UBE2W: variants seen among roughly 807,000 people sequenced by gnomAD.
The protein encoded by UBE2W is ubiquitin-conjugating enzyme E2 W.
UBE2W carries 18 observed loss-of-function variants against 27.2 expected under a neutral mutation model. The observed-to-expected ratio is 0.66, with a 90% CI of 0.46 to 0.98. The LOEUF is 0.98. UBE2W is among the 50% of genes least tolerant of loss of function. The probability of loss-of-function intolerance (pLI) is 0.00; values close to 1 mark genes in which losing one functional copy is unlikely to be tolerated. For synonymous variants in UBE2W, 53 were observed against 57.2 expected (o/e 0.93, Z 0.33); for missense variants, 90 against 180.2 (o/e 0.50, Z 2.87).
intron 1 of UBE2W, among the ~76,000 whole-genome samples, chr8:73,861,448 T>C (rs149837555): frequency 1.2e-3 from 185 of 152,184 alleles, no homozygotes; most frequent in African/African-American, 4.4e-3. Context: ...GGCCCTGATA[T>C]GGTTTGATAC....
intron 1 of UBE2W, 84 bp downstream of exon 1, chr8:73,878,724 G>T (rs1169558912): frequency 4.7e-6 from 6 of 1,264,250 alleles, no homozygotes; most frequent in African/African-American, 3.0e-5. Context: ...GGGTGTCCCC[G>T]AATCGCGGAC....
intron 1 of UBE2W, among the ~76,000 whole-genome samples, chr8:73,865,172 G>T (rs1811697362): frequency 1.2e-5 from 1 of 86,594 alleles, no homozygotes; most frequent in African/African-American, 6.7e-5. Context: ...CTTTAAGTGT[G>T]CAAACGTCAA....
chr8:73,794,854 T>TAAAAAAAAA (rs1289254274), intron 5 of UBE2W, among the ~76,000 whole-genome samples: 1 of 43,910 alleles, frequency 2.3e-5, no homozygotes. Context: ...CTCTGTCTCA[T>TAAAAAAAAA]AAAAAAAAAA....
At chr8:73,862,051 T>A (rs986677144) in intron 1 of UBE2W, among the ~76,000 whole-genome samples, 42 of 152,234 alleles carry the variant, frequency 2.8e-4, no homozygotes, top group African/African-American at 9.9e-4. Context: ...AGGAGATGTA[T>A]TACAACTTAC....
chr8:73,793,102 CTT>C lies in UBE2W; in HGVS notation c.*998_*999del. 1.0e-6 allele frequency: 1 copy of C among 985,740 alleles called. No homozygotes were observed. Among genetic ancestry groups the C allele is most frequent in the South Asian group, 4.7e-5 (1 of 21,284 alleles). 61.1% of individuals were successfully genotyped at this position (985,740 alleles called of 1,614,324 possible). A position where few individuals can be genotyped will look rare whatever the true frequency, so the allele number is the denominator to read the frequency against. On this transcript the variant is annotated 3_prime_UTR_variant, in exon 6 of 6. Transcript: ENST00000602593. The stretch of plus-strand genomic sequence containing the variant: ...AAAGTATTGTAACATTCAAACTTGA[CTT>C]ATAACAAAAGAAACAAGATTGCAAA...
chr8:73,805,002 C>T (rs955665415), intron 5 of UBE2W, among the ~76,000 whole-genome samples: 7 of 152,038 alleles, frequency 4.6e-5, no homozygotes, highest in African/African-American at 1.7e-4. Context: ...GGATTACAGG[C>T]GTAGGCCACC....
Position 73,786,756 on chromosome 8 carries a change from A to C in UBE2W, c.*7346T>G, listed in dbSNP as rs1385046148. On this transcript the variant is annotated 3_prime_UTR_variant, in exon 6 of 6. Transcript: ENST00000602593. The stretch of plus-strand genomic sequence containing the variant: ...CCCTAATGGTAAGGAGACTGGAGAG[A>C]AGGTAGAAATCTCAGAGACATTTTA... The C allele has an allele frequency of 3.0e-6, 3 of 985,302 alleles. No homozygotes were observed. The highest frequency in any genetic ancestry group is 2.4e-6 in the Non-Finnish European group (2 of 829,934). 61.0% of individuals were successfully genotyped at this position (985,302 alleles called of 1,614,324 possible).
At chr8:73,844,978 C>T (rs926809690) in intron 1 of UBE2W, among the ~76,000 whole-genome samples, 4 of 147,094 alleles carry the variant, frequency 2.7e-5, no homozygotes, top group African/African-American at 5.0e-5. Context: ...AAGCGAGGAG[C>T]GTCTCCGCCC....
At chr8:73,794,661 G>A (rs1374865054) in intron 5 of UBE2W, among the ~76,000 whole-genome samples, 1 of 151,944 alleles carries the variant, frequency 6.6e-6, no homozygotes, top group African/African-American at 2.4e-5. Flanking sequence ...CAGCACTTTG[G>A]GAGGCCGAGG....
At chr8:73,849,530 A>G (rs2130946039) in intron 1 of UBE2W, among the ~76,000 whole-genome samples, 1 of 149,986 alleles carries the variant, frequency 6.7e-6, no homozygotes, top group South Asian at 2.1e-4. Context: ...AAAAAAAAAA[A>G]AAAAAAAAAA....
intron 1 of UBE2W, chr8:73,831,875 A>G (rs1810080145): frequency 6.6e-6 from 1 of 152,036 alleles, no homozygotes; most frequent in African/African-American, 2.4e-5. Context: ...AAATACAAGC[A>G]AACTGCAAAA....
intron 1 of UBE2W, among the ~76,000 whole-genome samples, chr8:73,852,006 C>T (rs79248017): frequency 0.068 from 7,643 of 113,018 alleles, 730 homozygotes; most frequent in African/African-American, 0.23. Flanking sequence ...GAAGGGAAGA[C>T]AAAAATGAAG....
rs143535974 is a variant in UBE2W, at chr8:73,798,408, C to T, written c.443-4293G>A. Reference sequence around the variant, plus strand: ...CTTGGCTCCCATCCCCAAGATAGCTCATTATGTATATGCAAATATTCGAGA... The same window carrying T: ...CTTGGCTCCCATCCCCAAGATAGCTTATTATGTATATGCAAATATTCGAGA... On this transcript the variant is annotated intron_variant, in intron 5 of 5. Coordinates refer to ENST00000602593, the MANE Select transcript of UBE2W (RefSeq NM_018299.6). Among the ~76,000 whole-genome samples the T allele has an allele frequency of 4.0e-3, 611 of 152,320 alleles. 2 individuals are homozygous for T. Among genetic ancestry groups the T allele is most frequent in the African/African-American group, 0.014 (581 of 41,564 alleles).
At chr8:73,871,318 C>A (rs182054683) in intron 1 of UBE2W, among the ~76,000 whole-genome samples, 2 of 152,120 alleles carry the variant, frequency 1.3e-5, no homozygotes, top group Non-Finnish European at 2.9e-5. Flanking sequence ...TGCCTATATA[C>A]CAACATGGGG....
At chr8:73,813,105 AAAAAG>A (rs1346119697) in intron 3 of UBE2W, among the ~76,000 whole-genome samples, 6 of 146,406 alleles carry the variant, frequency 4.1e-5, no homozygotes, top group Non-Finnish European at 7.7e-5. Flanking sequence ...AAAAAAAAAA[AAAAAG>A]AACAACTGCC....
intron 4 of UBE2W, among the ~76,000 whole-genome samples, chr8:73,808,147 A>C (rs1808997407): frequency 6.6e-6 from 1 of 152,250 alleles, no homozygotes; most frequent in Admixed American, 6.5e-5. Flanking sequence ...TAGAATTAAC[A>C]AAGTAAAGCC....
intron 1 of UBE2W, among the ~76,000 whole-genome samples, chr8:73,839,067 T>C (rs114026381): frequency 3.2e-4 from 49 of 152,328 alleles, no homozygotes; most frequent in African/African-American, 1.2e-3. Flanking sequence ...CTGCTTTTGT[T>C]GTTTCATTCT....
At chr8:73,805,472 C>CAAAAAAACAAAAAAAAAAAA (rs1808855322) in intron 5 of UBE2W, among the ~76,000 whole-genome samples, 179 bp downstream of exon 5, 1 of 43,676 alleles carries the variant, frequency 2.3e-5, no homozygotes, top group African/African-American at 6.0e-5. Flanking sequence ...AAAAAAAAAA[C>CAAAAAAACAAAAAAAAAAAA]AAAAAAAACT....
In UBE2W at chr8:73,787,669, C is replaced by T; in HGVS notation, c.*6433G>A. 1.0e-6 allele frequency: 1 copy of T among 985,396 alleles called. No homozygotes were observed. The highest frequency in any genetic ancestry group is 1.2e-6 in the Non-Finnish European group (1 of 829,928). The allele number at this position is 985,396 out of a possible 1,614,324, so 61.0% of individuals were successfully genotyped here. On this transcript the variant is annotated 3_prime_UTR_variant, in exon 6 of 6. Transcript: ENST00000602593. ...GGAATAACAGATGCTGAGATAGCCC[C>T]TTCTTGTGGTTATTTCTTTCCTCTT...
Sources: gnomAD v4.1 joint callset for allele counts (sites outside exome capture counted in the v4.1 genomes callset) on GRCh38, gnomAD v4.1.1 for gene constraint, MANE v1.5 for transcripts, NCBI Gene and HGNC (gene_info 2026-07-23, HGNC 2026-07-21) for gene names.